Variants in DCX observed in about 807,000 individuals in gnomAD.
The protein encoded by DCX is neuronal migration protein doublecortin.
Under a neutral mutation model 20.9 loss-of-function variants are expected in DCX, and 4 were observed. The ratio of observed to expected loss-of-function variants is 0.19; its 90% CI spans 0.09 to 0.44. The LOEUF is 0.44. Among genes scored for constraint, DCX ranks in the 20% least tolerant of loss-of-function variants. The pLI is 0.99. For synonymous variants in DCX, 103 were observed against 111.4 expected (o/e 0.92, Z 0.47); for missense variants, 133 against 296.9 (o/e 0.45, Z 4.06).
chrX:111,400,347 G>A (rs1476996071), intron 3 of DCX, among the ~76,000 whole-genome samples: 2 of 112,001 alleles, frequency 1.8e-5, no homozygotes, highest in East Asian at 2.8e-4. Context: ...TTTGGAGGGG[G>A]AACAGATGGC....
chrX:111,335,886 G>A (rs1029974779), intron 3 of DCX, among the ~76,000 whole-genome samples: 4 of 109,078 alleles, frequency 3.7e-5, no homozygotes, highest in East Asian at 2.9e-4. Context: ...CCTGGGAGGC[G>A]GAGATTGCAG....
intron 5 of DCX, among the ~76,000 whole-genome samples, chrX:111,318,361 T>TATAATAATA (rs201675196): frequency 0.01 from 1,009 of 100,074 alleles, 17 homozygotes; most frequent in African/African-American, 0.037. Context: ...AAACTTAAAG[T>TATAATAATA]ATAATAATAA....
At chrX:111,380,485 A>C (rs1481760754) in intron 3 of DCX, among the ~76,000 whole-genome samples, 1 of 111,510 alleles carries the variant, frequency 9.0e-6, no homozygotes, top group Non-Finnish European at 1.9e-5. Context: ...TAAATGTAAG[A>C]GTTTATTTTT....
At chrX:111,395,533 C>A (rs1198206708) in intron 3 of DCX, among the ~76,000 whole-genome samples, 1 of 112,186 alleles carries the variant, frequency 8.9e-6, no homozygotes, top group Non-Finnish European at 1.9e-5. Flanking sequence ...TGATGTTTGG[C>A]CACTCTTTTA....
chrX:111,312,374 A>G (rs750602012), intron 6 of DCX, among the ~76,000 whole-genome samples: 1 of 112,150 alleles, frequency 8.9e-6, no homozygotes, highest in South Asian at 3.7e-4. Flanking sequence ...TGGTTTGGTT[A>G]CCTCATTAGC....
chrX:111,305,230 T>A (rs1158387964), intron 6 of DCX, among the ~76,000 whole-genome samples: 1 of 111,396 alleles, frequency 9.0e-6, no homozygotes, highest in East Asian at 2.8e-4. Flanking sequence ...GTAATTCAAA[T>A]CCACATAATT....
chrX:111,372,296 T>C (rs1925164023), intron 3 of DCX, among the ~76,000 whole-genome samples: 1 of 112,184 alleles, frequency 8.9e-6, no homozygotes, highest in Non-Finnish European at 1.9e-5. Context: ...GCAGCTGTGC[T>C]GCAGTCGCTC....
At chrX:111,386,017 C>T (rs1282450903) in intron 3 of DCX, among the ~76,000 whole-genome samples, 2 of 111,643 alleles carry the variant, frequency 1.8e-5, no homozygotes, top group Non-Finnish European at 3.8e-5. Context: ...CGTGTTTATG[C>T]TGTGTGTGTT....
intron 3 of DCX, among the ~76,000 whole-genome samples, chrX:111,389,537 A>G (rs1308698430): frequency 9.0e-6 from 1 of 111,430 alleles, no homozygotes; most frequent in Non-Finnish European, 1.9e-5. Flanking sequence ...TAGATGTAGC[A>G]AAGTACCCCA....
At chrX:111,379,737 T>TA (rs1406496587) in intron 3 of DCX, among the ~76,000 whole-genome samples, 1 of 112,128 alleles carries the variant, frequency 8.9e-6, no homozygotes, top group Non-Finnish European at 1.9e-5. Flanking sequence ...TTGCTGGTCA[T>TA]ATGGTGACTC....
At chrX:111,391,003 A>T (rs1229408201) in intron 3 of DCX, among the ~76,000 whole-genome samples, 2 of 7,909 alleles carry the variant, frequency 2.5e-4, no homozygotes, top group Non-Finnish European at 1.3e-3. Context: ...TATCCTGCTA[A>T]AAAAAAAAAA....
At chrX:111,306,886 C>A (rs756649798) in intron 6 of DCX, among the ~76,000 whole-genome samples, 1 of 110,936 alleles carries the variant, frequency 9.0e-6, no homozygotes, top group Admixed American at 9.6e-5. Context: ...CACAACACAC[C>A]AAAACTTATA....
At chrX:111,400,876 T>C (rs1672360001) in intron 3 of DCX, 114 bp downstream of exon 3, 1 of 677,539 alleles carries the variant, frequency 1.5e-6, no homozygotes, top group Non-Finnish European at 2.3e-6. Flanking sequence ...AATATCAGGT[T>C]GTGATGATGA....
chrX:111,310,672 T>G (rs1302163691), intron 6 of DCX, among the ~76,000 whole-genome samples: 1 of 112,318 alleles, frequency 8.9e-6, no homozygotes, highest in Non-Finnish European at 1.9e-5. Context: ...CTTGCTTAAC[T>G]GTCTTTAAAA....
intron 3 of DCX, among the ~76,000 whole-genome samples, chrX:111,335,330 C>T (rs1290481679): frequency 8.9e-6 from 1 of 112,116 alleles, no homozygotes; most frequent in African/African-American, 3.2e-5. Flanking sequence ...ATACCTTCCT[C>T]TATATCTTCC....
intron 6 of DCX, among the ~76,000 whole-genome samples, chrX:111,308,494 C>A (rs1264636412): frequency 9.0e-6 from 1 of 110,912 alleles, no homozygotes; most frequent in Non-Finnish European, 1.9e-5. Flanking sequence ...CTTTCCCCAT[C>A]TCCCACTCTC....
At position 111,313,223 on chromosome X, in the gene DCX, T is replaced by A. The variant is rs12843949; in HGVS notation, c.947-487A>T. Among the ~76,000 whole-genome samples, 6 of 110,894 alleles carry A rather than the reference T, an allele frequency of 5.4e-5. No homozygotes were observed. In the East Asian group the frequency reaches 1.7e-3, roughly 31 times the overall value. ...GGGTAGGTGAAAGACAGCCCCATTG[T>A]TAGTCTCTCCCCCTCTCTTTTCCTG... On this transcript the variant is annotated intron_variant, in intron 5 of 6. Coordinates refer to ENST00000636035, the MANE Select transcript of DCX (RefSeq NM_001195553.2).
At chrX:111,354,114 G>A (rs1335298471) in intron 3 of DCX, among the ~76,000 whole-genome samples, 1 of 111,589 alleles carries the variant, frequency 9.0e-6, no homozygotes, top group African/African-American at 3.3e-5. Flanking sequence ...AATTTTTGAT[G>A]AGCTAATTCA....
chrX:111,365,279 T>C (rs893565543), intron 3 of DCX, among the ~76,000 whole-genome samples: 3 of 109,625 alleles, frequency 2.7e-5, no homozygotes, highest in African/African-American at 9.9e-5. Context: ...ATTATTTATG[T>C]AATTAAAAAT....
Sources: gnomAD v4.1 joint callset for allele counts (sites outside exome capture counted in the v4.1 genomes callset) on GRCh38, gnomAD v4.1.1 for gene constraint, MANE v1.5 for transcripts, NCBI Gene and HGNC (gene_info 2026-07-23, HGNC 2026-07-21) for gene names.